The following SNX29 variants were observed in gnomAD, a reference collection of about 807,000 sequenced individuals.
SNX29 encodes the protein sorting nexin 29.
A neutral mutation model predicts 102.1 loss-of-function variants in SNX29; 78 were observed. That is an observed-to-expected ratio of 0.76 (90% CI 0.64 to 0.92). The LOEUF (loss-of-function observed/expected upper bound fraction) is 0.92. SNX29 is among the 40% of genes least tolerant of loss of function. SNX29 has a pLI of 0.00. For missense variants in SNX29, 1,280 were observed against 1,061.7 expected (o/e 1.21, Z -2.86); for synonymous variants, 580 against 414.5 (o/e 1.40, Z -4.85).
chr16:11,991,935 T>C (rs569577253), intron 1 of SNX29, among the ~76,000 whole-genome samples: 1 of 152,228 alleles, frequency 6.6e-6, no homozygotes, highest in East Asian at 1.9e-4. Context: ...GGGAGAATCC[T>C]ACTGTAGTTG....
intron 18 of SNX29, among the ~76,000 whole-genome samples, chr16:12,469,513 C>G (rs1036680891): frequency 2.1e-4 from 32 of 152,196 alleles, no homozygotes; most frequent in Admixed American, 2.0e-4. Context: ...TCATCTGATT[C>G]TCTCTGCATT....
At chr16:12,539,892 G>C (rs1048549672) in intron 20 of SNX29, among the ~76,000 whole-genome samples, 1 of 152,148 alleles carries the variant, frequency 6.6e-6, no homozygotes, top group African/African-American at 2.4e-5. Flanking sequence ...GGCTGTTTGT[G>C]GTTTTACAAA....
At chr16:12,398,600 T>C (rs1273633697) in intron 17 of SNX29, 99 bp downstream of exon 17, 1 of 1,358,738 alleles carries the variant, frequency 7.4e-7, no homozygotes, top group South Asian at 1.2e-5. Flanking sequence ...GAAATCACTG[T>C]TGAGACCCAC....
intron 16 of SNX29, among the ~76,000 whole-genome samples, chr16:12,371,178 C>G (rs937842560): frequency 6.6e-6 from 1 of 152,220 alleles, no homozygotes; most frequent in African/African-American, 2.4e-5. Flanking sequence ...CGTTGGGGAT[C>G]AGCCAAGGCT....
At chr16:12,345,903 A>C (rs986748879) in intron 15 of SNX29, among the ~76,000 whole-genome samples, 1 of 152,180 alleles carries the variant, frequency 6.6e-6, no homozygotes, top group African/African-American at 2.4e-5. Context: ...GATTGTGGAC[A>C]AATGTGAATG....
chr16:12,567,641 A>T (rs1397362186), intron 20 of SNX29, among the ~76,000 whole-genome samples: 1 of 152,132 alleles, frequency 6.6e-6, no homozygotes, highest in African/African-American at 2.4e-5. Context: ...TAGTACCTAT[A>T]GTCCCAGCTG....
chr16:12,045,962 C>T (rs1348201757), intron 5 of SNX29, among the ~76,000 whole-genome samples: 1 of 151,932 alleles, frequency 6.6e-6, no homozygotes, highest in Non-Finnish European at 1.5e-5. Context: ...TTGATGAAGC[C>T]GTAGAGGCTC....
At chr16:12,159,852 T>C (rs1352920126) in intron 13 of SNX29, among the ~76,000 whole-genome samples, 2 of 152,220 alleles carry the variant, frequency 1.3e-5, no homozygotes, top group Non-Finnish European at 2.9e-5. Flanking sequence ...GCTACTCCCT[T>C]ATCCCGTGCT....
At chr16:12,431,911 C>T (rs4781238) in intron 18 of SNX29, among the ~76,000 whole-genome samples, 62,681 of 152,034 alleles carry the variant, frequency 0.41, 13,198 homozygotes, top group Non-Finnish European at 0.46. Flanking sequence ...AGTGAACCCA[C>T]GAACAAAGAC....
chr16:12,572,801 A>C lies in SNX29; in HGVS notation c.*4172A>C, dbSNP rs2079215976. 2 of 1,063,534 alleles carry C rather than the reference A, an allele frequency of 1.9e-6. No homozygotes were observed. Among genetic ancestry groups the C allele is most frequent in the Non-Finnish European group, 2.3e-6 (2 of 878,176 alleles). 65.9% of individuals were successfully genotyped at this position (1,063,534 alleles called of 1,614,324 possible). A position where few individuals can be genotyped will look rare whatever the true frequency, so the allele number is the denominator to read the frequency against. On this transcript the variant is annotated 3_prime_UTR_variant, in exon 21 of 21. Transcript: ENST00000566228. The stretch of plus-strand genomic sequence containing the variant: ...CACCTCACTCCTCCTTCCCCAGTAC[A>C]TCAGACTGGTTAGGAGGCATCCCAG...
chr16:12,196,918 G>T (rs988161911), intron 13 of SNX29, among the ~76,000 whole-genome samples: 15 of 152,146 alleles, frequency 9.9e-5, no homozygotes, highest in Non-Finnish European at 1.5e-4. Flanking sequence ...ACTGCACCCA[G>T]CCAGGTGTGA....
intron 13 of SNX29, among the ~76,000 whole-genome samples, chr16:12,174,168 C>G (rs2076210525): frequency 6.6e-6 from 1 of 152,180 alleles, no homozygotes; most frequent in African/African-American, 2.4e-5. Context: ...TGTTAACTCC[C>G]CCTCTAGAGG....
chr16:12,526,065 G>A (rs946562587), intron 20 of SNX29, among the ~76,000 whole-genome samples: 7 of 152,134 alleles, frequency 4.6e-5, no homozygotes, highest in South Asian at 2.1e-4. Flanking sequence ...AAATCTTACC[G>A]TGATAGAAAC....
intron 11 of SNX29, among the ~76,000 whole-genome samples, chr16:12,085,522 TTGCCA>T (rs2052128244): frequency 6.6e-6 from 1 of 152,236 alleles, no homozygotes; most frequent in South Asian, 2.1e-4. Context: ...AGGTGGGGTT[TTGCCA>T]TGTTGGCTAG....
intron 18 of SNX29, among the ~76,000 whole-genome samples, chr16:12,442,812 T>TC (rs1378764959): frequency 6.6e-6 from 1 of 152,126 alleles, no homozygotes; most frequent in Non-Finnish European, 1.5e-5. Context: ...CAGGCTGGTC[T>TC]CCAACTCCTG....
At chr16:12,512,182 A>T (rs1039160101) in intron 19 of SNX29, among the ~76,000 whole-genome samples, 1 of 150,734 alleles carries the variant, frequency 6.6e-6, no homozygotes, top group Non-Finnish European at 1.5e-5. Flanking sequence ...ATTGGCCCCT[A>T]AGATTAAGTT....
At chr16:12,391,703 G>A (rs1055426466) in intron 16 of SNX29, among the ~76,000 whole-genome samples, 7 of 151,806 alleles carry the variant, frequency 4.6e-5, no homozygotes, top group South Asian at 2.1e-4. Context: ...TGCAGATGTC[G>A]GTATATGTTT....
intron 16 of SNX29, among the ~76,000 whole-genome samples, chr16:12,378,834 A>G (rs1380310517): frequency 6.6e-6 from 1 of 152,178 alleles, no homozygotes. Flanking sequence ...CCTCATGGAA[A>G]CAGCAGTCGC....
At chr16:12,402,295 T>C (rs962544304) in intron 17 of SNX29, among the ~76,000 whole-genome samples, 3 of 152,224 alleles carry the variant, frequency 2.0e-5, no homozygotes, top group Non-Finnish European at 4.4e-5. Context: ...TGAAATGGTC[T>C]TTACTCTAGA....
Sources: gnomAD v4.1 joint callset for allele counts (sites outside exome capture counted in the v4.1 genomes callset) on GRCh38, gnomAD v4.1.1 for gene constraint, MANE v1.5 for transcripts, NCBI Gene and HGNC (gene_info 2026-07-23, HGNC 2026-07-21) for gene names.